Variants in SLC25A21 observed in about 807,000 individuals in gnomAD.
SLC25A21 encodes solute carrier family 25 member 21, also known as mitochondrial 2-oxodicarboxylate carrier.
In SLC25A21, 47 loss-of-function variants were observed where a neutral mutation model predicts 43.8. That is an observed-to-expected ratio of 1.07 (90% CI 0.85 to 1.37). The LOEUF is 1.37. Among genes scored for constraint, SLC25A21 ranks in the 40% most tolerant of loss-of-function variants. The pLI, the probability that SLC25A21 is intolerant of heterozygous loss-of-function variation, is 0.00. For synonymous variants in SLC25A21, 131 were observed against 121.3 expected (o/e 1.08, Z -0.52); for missense variants, 352 against 350.2 (o/e 1.00, Z -0.04).
rs553034338 is a variant in SLC25A21, at chr14:37,014,381, A to C, written c.71-139377T>G. On this transcript the variant is annotated intron_variant, in intron 1 of 9. Transcript: ENST00000331299. Reference sequence around the variant, plus strand: ...TTGTTGTCATTTCGACAATGTTCACAGTATCTTTTCCAGGAGCAGATTCCA... The same window carrying C: ...TTGTTGTCATTTCGACAATGTTCACCGTATCTTTTCCAGGAGCAGATTCCA... Among the ~76,000 whole-genome samples, 8 of 152,318 alleles carry C rather than the reference A, an allele frequency of 5.3e-5. No homozygotes were observed. The South Asian group carries it at 1.7e-3, about 32-fold the overall frequency.
At chr14:37,009,690 A>G (rs17105944) in intron 1 of SLC25A21, among the ~76,000 whole-genome samples, 4,907 of 152,274 alleles carry the variant, frequency 0.032, 135 homozygotes, top group East Asian at 0.091. Context: ...TGAGCAAATT[A>G]CTTTTTCCAA....
intron 3 of SLC25A21, among the ~76,000 whole-genome samples, chr14:36,774,805 CAA>C (rs1460665195): frequency 6.6e-6 from 1 of 152,064 alleles, no homozygotes; most frequent in Non-Finnish European, 1.5e-5. Context: ...AAATGAAAAA[CAA>C]AGAGGTAAAA....
At chr14:36,753,527 C>G (rs1019094618) in intron 3 of SLC25A21, among the ~76,000 whole-genome samples, 3 of 151,398 alleles carry the variant, frequency 2.0e-5, no homozygotes, top group Admixed American at 6.6e-5. Context: ...ATGTAAAGGG[C>G]ATAGAGAAGC....
intron 1 of SLC25A21, among the ~76,000 whole-genome samples, chr14:37,156,865 C>T (rs558626961): frequency 6.6e-6 from 1 of 152,154 alleles, no homozygotes; most frequent in Non-Finnish European, 1.5e-5. Flanking sequence ...CATCACTAGA[C>T]AGATCATCTA....
At position 36,680,586 on chromosome 14, in the gene SLC25A21, T is replaced by G. The variant is rs543708207; in HGVS notation, c.*72A>C. 89 of 1,543,112 alleles carry G rather than the reference T, an allele frequency of 5.8e-5. No individual in the cohort carries two copies. In the East Asian group the frequency reaches 9.4e-4, roughly 16 times the overall value. On this transcript the variant is annotated 3_prime_UTR_variant, in exon 10 of 10. Transcript: ENST00000331299. ...CATAATTATACACCTGGCCGATCGA[T>G]AGTCTCTCTTCTTCATGGTGCTGCA...
At chr14:36,811,250 G>T (rs913089718) in intron 3 of SLC25A21, among the ~76,000 whole-genome samples, 2 of 152,170 alleles carry the variant, frequency 1.3e-5, no homozygotes, top group Non-Finnish European at 2.9e-5. Context: ...AAAACAGTAT[G>T]ATGCTGATAT....
intron 2 of SLC25A21, among the ~76,000 whole-genome samples, chr14:36,821,951 T>C (rs1449226471): frequency 6.6e-6 from 1 of 152,212 alleles, no homozygotes; most frequent in African/African-American, 2.4e-5. Flanking sequence ...TGGTTTATAG[T>C]TCCAGACATG....
intron 3 of SLC25A21, among the ~76,000 whole-genome samples, chr14:36,768,598 C>A (rs756521258): frequency 6.6e-6 from 1 of 152,152 alleles, no homozygotes; most frequent in Non-Finnish European, 1.5e-5. Context: ...TTTCAGCTGA[C>A]TGAAAGTTGC....
intron 1 of SLC25A21, among the ~76,000 whole-genome samples, chr14:37,000,025 C>A (rs755086150): frequency 1.3e-5 from 2 of 152,098 alleles, no homozygotes; most frequent in Admixed American, 1.3e-4. Flanking sequence ...TAAAAGAAAA[C>A]TAACATATTA....
At chr14:36,999,794 T>C (rs981144037) in intron 1 of SLC25A21, among the ~76,000 whole-genome samples, 2 of 152,116 alleles carry the variant, frequency 1.3e-5, no homozygotes, top group African/African-American at 4.8e-5. Context: ...GGGGACCAAA[T>C]AGAAGCAGAT....
chr14:36,702,057 G>A (rs1250321199), intron 7 of SLC25A21, among the ~76,000 whole-genome samples: 1 of 152,114 alleles, frequency 6.6e-6, no homozygotes, highest in African/African-American at 2.4e-5. Flanking sequence ...TATGTAATAT[G>A]TCTGTTCCAT....
chr14:37,031,164 G>C (rs1330922779), intron 1 of SLC25A21, among the ~76,000 whole-genome samples: 2 of 152,116 alleles, frequency 1.3e-5, no homozygotes, highest in African/African-American at 4.8e-5. Flanking sequence ...ACTTTGTATA[G>C]AGACAAGATG....
intron 1 of SLC25A21, among the ~76,000 whole-genome samples, chr14:37,009,632 C>A (rs150909309): frequency 6.6e-6 from 1 of 152,120 alleles, no homozygotes. Context: ...TGAAGTAGTG[C>A]GTAGTGTTTA....
chr14:36,896,794 C>A lies in SLC25A21; in HGVS notation c.71-21790G>T, dbSNP rs373092251. On this transcript the variant is annotated intron_variant, in intron 1 of 9. Coordinates refer to ENST00000331299, the MANE Select transcript of SLC25A21 (RefSeq NM_030631.4). ...AAAGTATTTTATTTCTCCTTCACTTCTGAAGCTTAGTTTGGCTGGATATGA... is the reference window on the plus strand; with the variant it reads ...AAAGTATTTTATTTCTCCTTCACTTATGAAGCTTAGTTTGGCTGGATATGA... 7.1e-3 allele frequency among the ~76,000 whole-genome samples: 1,088 copies of A among 152,172 alleles called. 10 individuals are homozygous for A. Among genetic ancestry groups the A allele is most frequent in the African/African-American group, 0.025 (1,020 of 41,520 alleles).
intron 1 of SLC25A21, among the ~76,000 whole-genome samples, chr14:36,976,334 ATGT>A (rs1465536696): frequency 3.9e-5 from 6 of 152,234 alleles, no homozygotes; most frequent in African/African-American, 1.2e-4. Context: ...GGCAGTCAAA[ATGT>A]TGTCTGTGGA....
At chr14:36,973,112 GGAAA>G (rs1416817958) in intron 1 of SLC25A21, among the ~76,000 whole-genome samples, 1 of 151,806 alleles carries the variant, frequency 6.6e-6, no homozygotes, top group Admixed American at 6.6e-5. Context: ...TAATCATGAA[GGAAA>G]GAGTCAAATT....
intron 2 of SLC25A21, among the ~76,000 whole-genome samples, chr14:36,833,574 T>C (rs1594626593): frequency 6.6e-6 from 1 of 152,232 alleles, no homozygotes; most frequent in East Asian, 1.9e-4. Flanking sequence ...AATTATCAAA[T>C]AGTTGATGTG....
At chr14:37,049,756 T>C (rs901224933) in intron 1 of SLC25A21, among the ~76,000 whole-genome samples, 2 of 152,200 alleles carry the variant, frequency 1.3e-5, no homozygotes, top group Non-Finnish European at 2.9e-5. Flanking sequence ...TAAAAATATA[T>C]TTTATTTAAT....
chr14:36,862,577 G>A (rs909538959), intron 2 of SLC25A21, among the ~76,000 whole-genome samples: 2 of 152,084 alleles, frequency 1.3e-5, no homozygotes, highest in Non-Finnish European at 2.9e-5. Context: ...CATGGACACA[G>A]GGAGGGGAAC....
Sources: gnomAD v4.1 joint callset for allele counts (sites outside exome capture counted in the v4.1 genomes callset) on GRCh38, gnomAD v4.1.1 for gene constraint, MANE v1.5 for transcripts, NCBI Gene and HGNC (gene_info 2026-07-23, HGNC 2026-07-21) for gene names.